CEP89: variants seen among roughly 807,000 people sequenced by gnomAD.
The protein encoded by CEP89 is centrosomal protein of 89 kDa.
In CEP89, 95 loss-of-function variants were observed where a neutral mutation model predicts 97.6. The ratio of observed to expected loss-of-function variants is 0.97; its 90% CI spans 0.82 to 1.15. CEP89 has a LOEUF of 1.15. Among genes scored for constraint, CEP89 ranks in the 50% most tolerant of loss-of-function variants. The pLI is 0.00. For missense variants in CEP89, 869 were observed against 947.7 expected (o/e 0.92, Z 1.09); for synonymous variants, 354 against 349.1 (o/e 1.01, Z -0.16).
At chr19:32,915,084 G>A (rs1172785174) in intron 14 of CEP89, among the ~76,000 whole-genome samples, 1 of 151,912 alleles carries the variant, frequency 6.6e-6, no homozygotes, top group Non-Finnish European at 1.5e-5. Context: ...ATGACCATAG[G>A]TGAAGAAACC....
chr19:32,907,550 CA>C (rs1969914817), intron 14 of CEP89, among the ~76,000 whole-genome samples: 1 of 151,602 alleles, frequency 6.6e-6, no homozygotes, highest in East Asian at 1.9e-4. Context: ...CTCCTGGGTT[CA>C]AGCCATTCTC....
At chr19:32,955,391 G>GT (rs993361883) in intron 3 of CEP89, among the ~76,000 whole-genome samples, 3 of 152,046 alleles carry the variant, frequency 2.0e-5, no homozygotes, top group Non-Finnish European at 4.4e-5. Flanking sequence ...CTTAGGTGGG[G>GT]TTTTTTTCCT....
rs1555794731 is a variant in CEP89, at chr19:32,953,674, C to T, written c.433G>A (p.Ala145Thr). 1 of 1,614,036 alleles carries T rather than the reference C, an allele frequency of 6.2e-7. No individual in the cohort carries two copies. The highest frequency in any genetic ancestry group is 1.3e-5 in the African/African-American group (1 of 75,026). Residue 145 changes from alanine to threonine, a missense_variant, in exon 4 of 19, where the codon GCC becomes ACC. Transcript: ENST00000305768. ...CTGTGGCCTCCTCTGTCCTCCCGGGCACTGACATCCCCCAATTCCTTGCCG... is the reference window on the plus strand; with the variant it reads ...CTGTGGCCTCCTCTGTCCTCCCGGGTACTGACATCCCCCAATTCCTTGCCG... ...SSGKELGDVS[A>T]REDRGGHSDD...
At chr19:32,917,714 T>A (rs1970157030) in intron 13 of CEP89, 1 of 745,188 alleles carries the variant, frequency 1.3e-6, no homozygotes, top group South Asian at 6.0e-5. Context: ...TCCTAGGGGT[T>A]GGGGGAATGC....
At chr19:32,895,590 T>G (rs1276107715) in intron 16 of CEP89, among the ~76,000 whole-genome samples, 1 of 152,158 alleles carries the variant, frequency 6.6e-6, no homozygotes, top group Non-Finnish European at 1.5e-5. Context: ...CCACTCTTAT[T>G]CAGCACAGTA....
intron 2 of CEP89, among the ~76,000 whole-genome samples, chr19:32,961,578 CAAAAAA>C (rs1193124918): frequency 3.2e-5 from 2 of 62,308 alleles, no homozygotes; most frequent in Non-Finnish European, 3.0e-5. Flanking sequence ...GACTCCATCT[CAAAAAA>C]AAAAAAAAAA....
intron 13 of CEP89, chr19:32,917,687 G>T: frequency 4.1e-6 from 2 of 488,408 alleles, no homozygotes; most frequent in Non-Finnish European, 5.3e-6. Flanking sequence ...GTTGTGCACT[G>T]TCACAGACTA....
intron 2 of CEP89, among the ~76,000 whole-genome samples, chr19:32,960,464 A>G (rs1005754585): frequency 2.0e-5 from 3 of 152,210 alleles, no homozygotes; most frequent in African/African-American, 7.2e-5. Flanking sequence ...TGAATTACTC[A>G]GGAATATTTT....
chr19:32,956,344 G>A (rs1423331212), intron 3 of CEP89, among the ~76,000 whole-genome samples: 9 of 150,952 alleles, frequency 6.0e-5, no homozygotes, highest in African/African-American at 1.9e-4. Context: ...GTGAGCCACC[G>A]CACCCGGCCT....
At chr19:32,971,363 A>C in intron 1 of CEP89, 1 of 427,966 alleles carries the variant, frequency 2.3e-6, no homozygotes, top group East Asian at 3.4e-5. Flanking sequence ...GCTCCTGTCC[A>C]ACTGTGGCCG....
intron 17 of CEP89, among the ~76,000 whole-genome samples, chr19:32,885,924 T>C (rs1216865498): frequency 6.6e-6 from 1 of 152,098 alleles, no homozygotes; most frequent in Admixed American, 6.5e-5. Flanking sequence ...TATTGCGCTG[T>C]TATGACATCT....
intron 11 of CEP89, among the ~76,000 whole-genome samples, chr19:32,924,480 A>C (rs1305066690): frequency 6.6e-6 from 1 of 152,180 alleles, no homozygotes; most frequent in Non-Finnish European, 1.5e-5. Flanking sequence ...AGCCTCCTCC[A>C]TCAGGGCTTT....
chr19:32,966,450 C>T lies in CEP89; in HGVS notation c.56G>A (p.Gly19Asp), dbSNP rs1971286467. The T allele has an allele frequency of 6.5e-7, 1 of 1,548,598 alleles. No homozygotes were observed. Among genetic ancestry groups the T allele is most frequent in the Admixed American group, 1.9e-5 (1 of 52,502 alleles). ...AGCAACGCTGGCTGCAGGTAAAAGG[C>T]CATGGATGATGTGTTTCTGCACAAA... ...RRSHFKHIIHGLLPAASVAPK... is the reference protein window; with the variant it reads ...RRSHFKHIIHDLLPAASVAPK... The change falls in exon 2 of 19, where the codon GGC becomes GAC. Residue 19 changes from glycine (G) to aspartate (D), a missense_variant. Gly to Asp is a moderately conservative substitution (Grantham distance 94, BLOSUM62 -1). Coordinates refer to ENST00000305768, the MANE Select transcript of CEP89 (RefSeq NM_032816.5).
intron 9 of CEP89, among the ~76,000 whole-genome samples, chr19:32,927,226 G>A (rs536800537): frequency 6.6e-6 from 1 of 151,796 alleles, no homozygotes; most frequent in Admixed American, 6.6e-5. Context: ...CTATCTATAT[G>A]TATATATGTA....
At chr19:32,971,685 C>A in intron 1 of CEP89, 151 bp downstream of exon 1, 1 of 725,614 alleles carries the variant, frequency 1.4e-6, no homozygotes, top group Non-Finnish European at 2.3e-6. Context: ...GTTTAGAACA[C>A]GAAAAATCAA....
intron 14 of CEP89, among the ~76,000 whole-genome samples, chr19:32,907,128 G>A (rs1339509055): frequency 6.6e-6 from 1 of 152,218 alleles, no homozygotes; most frequent in East Asian, 1.9e-4. Context: ...GGTAGGCCAA[G>A]GCAGGAGGGT....
chr19:32,923,410 C>T, intron 12 of CEP89, 29 bp downstream of exon 12: 1 of 1,145,872 alleles, frequency 8.7e-7, no homozygotes. Flanking sequence ...TTTAAATTAG[C>T]AAAAGAGCAG....
intron 1 of CEP89, among the ~76,000 whole-genome samples, chr19:32,967,289 T>C (rs62127361): frequency 0.13 from 19,297 of 152,156 alleles, 1,438 homozygotes; most frequent in South Asian, 0.29. Flanking sequence ...TTTAGGTAAC[T>C]GTAACTGGGA....
chr19:32,898,881 T>TAA (rs56965428), intron 16 of CEP89, among the ~76,000 whole-genome samples: 24,899 of 127,172 alleles, frequency 0.2, 3,279 homozygotes, highest in East Asian at 0.52. Flanking sequence ...GACTCCATCT[T>TAA]AAAAAAAAAA....
Sources: gnomAD v4.1 joint callset for allele counts (sites outside exome capture counted in the v4.1 genomes callset) on GRCh38, gnomAD v4.1.1 for gene constraint, MANE v1.5 for transcripts, NCBI Gene and HGNC (gene_info 2026-07-23, HGNC 2026-07-21) for gene names.